The following ATP7B variants were observed in gnomAD, a reference collection of about 807,000 sequenced individuals.
The protein encoded by ATP7B is ATPase copper transporting beta.
A neutral mutation model predicts 118.9 loss-of-function variants in ATP7B; 113 were observed. That is an observed-to-expected ratio of 0.95 (90% confidence interval 0.82 to 1.11). The LOEUF (loss-of-function observed/expected upper bound fraction) is 1.11, where lower values mean the gene tolerates loss of function less well. Among genes scored for constraint, ATP7B ranks in the 50% most tolerant of loss-of-function variants. The pLI is 0.00. For missense variants in ATP7B, 1,867 were observed against 1,871.4 expected (o/e 1.00, Z 0.04); for synonymous variants, 777 against 727.4 (o/e 1.07, Z -1.10).
chr13:51,947,990 C>T (rs1266249525), intron 12 of ATP7B: 1 of 152,242 alleles, frequency 6.6e-6, no homozygotes, highest in African/African-American at 2.4e-5. Context: ...TGCCAACGCA[C>T]TGCTTTCCCG....
intron 1 of ATP7B, among the ~76,000 whole-genome samples, chr13:51,981,351 T>C (rs563629355): frequency 6.6e-6 from 1 of 152,284 alleles, no homozygotes; most frequent in East Asian, 1.9e-4. Context: ...CACCCACTAG[T>C]ATCTGTCACC....
chr13:51,982,938 G>T (rs1169994771), intron 1 of ATP7B, among the ~76,000 whole-genome samples: 2 of 152,172 alleles, frequency 1.3e-5, no homozygotes, highest in African/African-American at 4.8e-5. Flanking sequence ...GATTCCCTCG[G>T]GTGCCTACAC....
intron 1 of ATP7B, among the ~76,000 whole-genome samples, chr13:52,008,494 C>T (rs1176184319): frequency 6.6e-6 from 1 of 152,180 alleles, no homozygotes; most frequent in Non-Finnish European, 1.5e-5. Context: ...TTCTGGCAAT[C>T]AGTCTCCATC....
intron 3 of ATP7B, among the ~76,000 whole-genome samples, chr13:51,970,182 G>A (rs921989712): frequency 3.3e-5 from 5 of 152,154 alleles, no homozygotes; most frequent in African/African-American, 1.2e-4. Flanking sequence ...GATGGGATGG[G>A]AGGGAACAAA....
In ATP7B at chr13:51,944,382, C is replaced by T. The variant is rs895213304; in HGVS notation, c.3061-91G>A. ...TGAGGCAGAACTTCACCCAACCTGC[C>T]TCAGACAGGAAACAAGACACCTGCA... On this transcript the variant is annotated intron_variant, in intron 13 of 20. Transcript: ENST00000242839. 3.9e-5 allele frequency: 59 copies of T among 1,518,762 alleles called. No homozygotes were observed. The African/African-American group carries it at 7.7e-4, about 20-fold the overall frequency. 94.1% of individuals were successfully genotyped at this position (1,518,762 alleles called of 1,614,324 possible).
intron 15 of ATP7B, among the ~76,000 whole-genome samples, chr13:51,941,757 C>G (rs1351306392): frequency 1.3e-5 from 2 of 152,178 alleles, no homozygotes; most frequent in Non-Finnish European, 2.9e-5. Flanking sequence ...GCTCTGGAAG[C>G]TCTCATGGAA....
At chr13:51,947,351 C>T (rs988843186) in intron 12 of ATP7B, among the ~76,000 whole-genome samples, 7 of 152,192 alleles carry the variant, frequency 4.6e-5, no homozygotes, top group African/African-American at 1.7e-4. Context: ...GTATTTTTCA[C>T]TATTTTTTCT....
intron 6 of ATP7B, 28 bp from the exon 7 acceptor site, chr13:51,960,350 A>T: frequency 6.2e-7 from 1 of 1,608,644 alleles, no homozygotes; most frequent in Non-Finnish European, 8.5e-7. Flanking sequence ...CAACACAGAT[A>T]TATCAGATGC....
At chr13:51,956,466 A>G (rs1958355552) in intron 9 of ATP7B, among the ~76,000 whole-genome samples, 1 of 152,210 alleles carries the variant, frequency 6.6e-6, no homozygotes, top group African/African-American at 2.4e-5. Context: ...ACATCGGAGG[A>G]TAAGAATCAG....
intron 1 of ATP7B, among the ~76,000 whole-genome samples, chr13:51,998,846 T>C (rs1032381897): frequency 3.3e-5 from 5 of 152,160 alleles, no homozygotes; most frequent in African/African-American, 1.2e-4. Flanking sequence ...CTGGTTAAAA[T>C]ATTTCAGCAC....
At chr13:51,962,025 G>T in intron 5 of ATP7B, 112 bp from the exon 6 acceptor site, 2 of 868,322 alleles carry the variant, frequency 2.3e-6, no homozygotes, top group Non-Finnish European at 3.7e-6. Flanking sequence ...ATCTAAAAGT[G>T]CCTCAGTAGA....
chr13:51,981,037 C>T (rs2140228660), intron 1 of ATP7B, among the ~76,000 whole-genome samples: 1 of 152,212 alleles, frequency 6.6e-6, no homozygotes, highest in East Asian at 1.9e-4. Context: ...TTTTATATCC[C>T]TCATGCTTAG....
At chr13:51,968,381 G>A (rs532160448) in intron 4 of ATP7B, 63 bp downstream of exon 4, 56 of 1,608,118 alleles carry the variant, frequency 3.5e-5, no homozygotes, top group Non-Finnish European at 4.5e-5. Flanking sequence ...TCACAAAGAT[G>A]GATGTGTCCA....
At chr13:51,998,026 T>A (rs977626185) in intron 1 of ATP7B, among the ~76,000 whole-genome samples, 2 of 152,096 alleles carry the variant, frequency 1.3e-5, no homozygotes, top group African/African-American at 4.8e-5. Flanking sequence ...TCTAGCACCT[T>A]CCCCTTTCCT....
At chr13:51,972,835 AC>A (rs1430031447) in intron 2 of ATP7B, among the ~76,000 whole-genome samples, 2 of 152,078 alleles carry the variant, frequency 1.3e-5, no homozygotes, top group Non-Finnish European at 2.9e-5. Context: ...CTCCGTCTCT[AC>A]AAAAAAATAA....
chr13:51,956,248 A>G (rs1448009085), intron 9 of ATP7B, among the ~76,000 whole-genome samples: 2 of 151,908 alleles, frequency 1.3e-5, no homozygotes, highest in Middle Eastern at 3.2e-3. Flanking sequence ...CAGTTCCTCT[A>G]CTCACCTGGG....
Position 51,972,024 on chromosome 13 carries a change from C to T in ATP7B, c.1286-1275G>A, listed in dbSNP as rs571597651. ...TGTCCTGGTCCAGTCCACAGAGACACGCACGGGCAGGGCCCATGTCTGGGA... is the reference window on the plus strand; with the variant it reads ...TGTCCTGGTCCAGTCCACAGAGACATGCACGGGCAGGGCCCATGTCTGGGA... On this transcript the variant is annotated intron_variant, in intron 2 of 20. Coordinates refer to ENST00000242839, the MANE Select transcript of ATP7B (RefSeq NM_000053.4). Among the ~76,000 whole-genome samples the T allele has an allele frequency of 5.3e-5, 8 of 152,358 alleles. No homozygotes were observed. The South Asian group carries it at 1.0e-3, about 20-fold the overall frequency.
chr13:51,936,966 T>C (rs1957003197), intron 19 of ATP7B, among the ~76,000 whole-genome samples: 1 of 152,174 alleles, frequency 6.6e-6, no homozygotes, highest in Non-Finnish European at 1.5e-5. Context: ...CTAATGATTA[T>C]TTCTCAGACT....
At chr13:51,993,229 G>A (rs1215266368) in intron 1 of ATP7B, among the ~76,000 whole-genome samples, 2 of 151,756 alleles carry the variant, frequency 1.3e-5, no homozygotes, top group African/African-American at 4.8e-5. Flanking sequence ...TCGTAAATTT[G>A]TTTTTTATAT....
Sources: gnomAD v4.1 joint callset for allele counts (sites outside exome capture counted in the v4.1 genomes callset) on GRCh38, gnomAD v4.1.1 for gene constraint, MANE v1.5 for transcripts, NCBI Gene and HGNC (gene_info 2026-07-23, HGNC 2026-07-21) for gene names.